The following BICD1 variants were observed in gnomAD, a reference collection of about 807,000 sequenced individuals.
BICD1 encodes BICD cargo adaptor 1.
In BICD1, 35 loss-of-function variants were observed where a neutral mutation model predicts 92.5. That is an observed-to-expected ratio of 0.38 (90% CI 0.29 to 0.50). BICD1 has a LOEUF of 0.50. BICD1 is among the 20% of genes least tolerant of loss of function. The probability of loss-of-function intolerance (pLI) is 0.93; values close to 1 mark genes in which losing one functional copy is unlikely to be tolerated. For missense variants in BICD1, 950 were observed against 1,189.8 expected, an observed-to-expected ratio of 0.80 and a Z score of 2.97; for synonymous variants, 429 against 465.1, an observed-to-expected ratio of 0.92 and a Z score of 1.00.
chr12:32,267,704 C>T (rs1947036254), intron 2 of BICD1, among the ~76,000 whole-genome samples: 1 of 152,170 alleles, frequency 6.6e-6, no homozygotes, highest in Admixed American at 6.5e-5. Context: ...CCATCTTTCC[C>T]CCACTGATCT....
At chr12:32,324,814 G>A (rs1267844250) in intron 4 of BICD1, among the ~76,000 whole-genome samples, 1 of 152,046 alleles carries the variant, frequency 6.6e-6, no homozygotes. Context: ...TCCTGACCTC[G>A]TGATCCACCC....
intron 8 of BICD1, among the ~76,000 whole-genome samples, chr12:32,361,063 T>C (rs1415476002): frequency 6.6e-6 from 1 of 152,182 alleles, no homozygotes; most frequent in African/African-American, 2.4e-5. Context: ...TGCCCAAAAA[T>C]GCCATGAGGT....
rs770003486 is a variant in BICD1 at position 32,216,402 on chromosome 12, C to G, written c.369C>G (p.Val123=). The G allele has an allele frequency of 5.6e-6, 9 of 1,613,966 alleles. No individual in the cohort carries two copies. Among genetic ancestry groups the G allele is most frequent in the Admixed American group, 1.7e-5 (1 of 59,988 alleles). ...AGCTGAAACAGAGCCGGGCTGTGGTCACTAATGTACAGGCAGAAAACGAGA... is the reference window on the plus strand; with the variant it reads ...AGCTGAAACAGAGCCGGGCTGTGGTGACTAATGTACAGGCAGAAAACGAGA... ...QNELKQSRAV[V]TNVQAENERL... is the part of the protein sequence containing the mutation. Residue 123 remains valine, a synonymous_variant, in exon 2 of 10, where the codon GTC becomes GTG. Transcript: ENST00000652176.
At chr12:32,136,376 G>A (rs970094933) in intron 1 of BICD1, among the ~76,000 whole-genome samples, 2 of 152,240 alleles carry the variant, frequency 1.3e-5, no homozygotes, top group Non-Finnish European at 2.9e-5. Context: ...GAAGCAAAAA[G>A]GAATGGTGCT....
chr12:32,226,524 C>A (rs1013887391), intron 2 of BICD1, among the ~76,000 whole-genome samples: 34 of 152,180 alleles, frequency 2.2e-4, no homozygotes, highest in African/African-American at 8.2e-4. Context: ...CACACTTAGT[C>A]TGGGAAAAAA....
Position 32,380,573 on chromosome 12 carries a change from C to T in BICD1, c.*2946C>T, listed in dbSNP as rs1940142125. ...GAAATGCTTTTCTCCTGAGGATTTT[C>T]CTTAATCAAAAAATAAGAAGAAGCA... is the stretch of plus-strand genomic sequence containing the variant. On this transcript the variant is annotated 3_prime_UTR_variant, in exon 10 of 10. Transcript: ENST00000652176. The T allele has an allele frequency of 6.6e-6, 1 of 152,060 alleles. No individual in the cohort carries two copies. Among genetic ancestry groups the T allele is most frequent in the Admixed American group, 6.6e-5 (1 of 15,244 alleles). 9.4% of individuals were successfully genotyped at this position (152,060 alleles called of 1,614,324 possible). A position where few individuals can be genotyped will look rare whatever the true frequency, so the allele number is the denominator to read the frequency against.
At chr12:32,325,527 G>A (rs1303158985) in intron 4 of BICD1, among the ~76,000 whole-genome samples, 2 of 152,080 alleles carry the variant, frequency 1.3e-5, no homozygotes, top group Non-Finnish European at 2.9e-5. Context: ...ACCCATATCA[G>A]AACCTCGCCA....
At chr12:32,130,998 C>T (rs1420452657) in intron 1 of BICD1, among the ~76,000 whole-genome samples, 3 of 151,994 alleles carry the variant, frequency 2.0e-5, no homozygotes, top group Non-Finnish European at 4.4e-5. Context: ...CCATTCCCGG[C>T]TAATTTTTGT....
intron 2 of BICD1, among the ~76,000 whole-genome samples, chr12:32,278,574 C>G (rs1365948250): frequency 6.6e-6 from 1 of 152,188 alleles, no homozygotes; most frequent in Non-Finnish European, 1.5e-5. Context: ...AACTAGCAGC[C>G]CGGGCGAGGT....
intron 2 of BICD1, among the ~76,000 whole-genome samples, chr12:32,269,516 T>C (rs1947082640): frequency 6.6e-6 from 1 of 152,232 alleles, no homozygotes; most frequent in South Asian, 2.1e-4. Context: ...CTTGCAAATT[T>C]GCTTTTATCC....
chr12:32,187,124 A>G (rs1944440471), intron 1 of BICD1, among the ~76,000 whole-genome samples: 2 of 152,170 alleles, frequency 1.3e-5, no homozygotes, highest in Non-Finnish European at 2.9e-5. Flanking sequence ...TTTCTTGTGA[A>G]GTATTAAAAC....
chr12:32,298,569 C>A (rs1199820036), intron 3 of BICD1, among the ~76,000 whole-genome samples: 384 of 77,682 alleles, frequency 4.9e-3, no homozygotes, highest in African/African-American at 5.8e-3. Context: ...CGATCCACCT[C>A]AAAAAAAAAA....
Position 32,306,392 on chromosome 12 carries a change from C to T in BICD1, c.1005+270C>T, listed in dbSNP as rs546368774. ...CCGAGTAGCTGGGACTACAGGTGCCCGCCACCATGCCCGGCTAATTTTTTT... is the reference window on the plus strand; with the variant it reads ...CCGAGTAGCTGGGACTACAGGTGCCTGCCACCATGCCCGGCTAATTTTTTT... On this transcript the variant is annotated intron_variant, in intron 4 of 9. Coordinates refer to ENST00000652176, the MANE Select transcript of BICD1 (RefSeq NM_001714.4). 3.6e-3 allele frequency among the ~76,000 whole-genome samples: 548 copies of T among 151,900 alleles called. 1 individual carries two copies. The highest frequency in any genetic ancestry group is 8.9e-3 in the East Asian group (45 of 5,082).
intron 9 of BICD1, among the ~76,000 whole-genome samples, chr12:32,370,859 G>A (rs1401607463): frequency 2.0e-5 from 3 of 152,124 alleles, no homozygotes; most frequent in Non-Finnish European, 2.9e-5. Flanking sequence ...TGAAGAAAGC[G>A]TGGAGCGGGC....
intron 2 of BICD1, among the ~76,000 whole-genome samples, chr12:32,243,264 A>AT (rs71068310): frequency 0.029 from 2,159 of 73,996 alleles, 143 homozygotes; most frequent in East Asian, 0.14. Flanking sequence ...TGCCTGGCTA[A>AT]TTTTTTTTTT....
At chr12:32,108,772 T>C in intron 1 of BICD1, 1 of 621,684 alleles carries the variant, frequency 1.6e-6, no homozygotes. Context: ...AAAATAAATG[T>C]ACTACCTATG....
At chr12:32,262,598 A>T (rs1946886462) in intron 2 of BICD1, among the ~76,000 whole-genome samples, 1 of 152,214 alleles carries the variant, frequency 6.6e-6, no homozygotes, top group Non-Finnish European at 1.5e-5. Flanking sequence ...TAAGATAAGG[A>T]TCTAGAGATG....
intron 9 of BICD1, among the ~76,000 whole-genome samples, chr12:32,374,734 A>ATTTTTTTTTT (rs1179747608): frequency 8.2e-4 from 66 of 80,094 alleles, no homozygotes; most frequent in Non-Finnish European, 9.7e-4. Context: ...CGCCCGGCTA[A>ATTTTTTTTTT]TTTTTTTTTT....
chr12:32,146,883 C>T (rs1162139450), intron 1 of BICD1, among the ~76,000 whole-genome samples: 3 of 132,354 alleles, frequency 2.3e-5, no homozygotes, highest in Non-Finnish European at 3.1e-5. Context: ...TCTTCTTCCT[C>T]CTCCTCCTCT....
Sources: gnomAD v4.1 joint callset for allele counts (sites outside exome capture counted in the v4.1 genomes callset) on GRCh38, gnomAD v4.1.1 for gene constraint, MANE v1.5 for transcripts, NCBI Gene and HGNC (gene_info 2026-07-23, HGNC 2026-07-21) for gene names.